The following PALS1 variants were observed in gnomAD, a reference collection of about 807,000 sequenced individuals.
PALS1 encodes protein associated with LIN7 1, MAGUK p55 family member.
A neutral mutation model predicts 78.9 loss-of-function variants in PALS1; 31 were observed. The observed-to-expected ratio is 0.39, with a 90% CI of 0.30 to 0.53. The LOEUF (loss-of-function observed/expected upper bound fraction) is 0.53. Ranked by LOEUF, PALS1 falls within the 20% of genes least tolerant of loss-of-function variation. PALS1 has a pLI of 0.67. For synonymous variants in PALS1, 276 were observed against 270.9 expected, an observed-to-expected ratio of 1.02 and a Z score of -0.18; for missense variants, 704 against 826.5, an observed-to-expected ratio of 0.85 and a Z score of 1.82.
chr14:67,270,485 C>T (rs2084391476), intron 2 of PALS1: 2 of 151,678 alleles, frequency 1.3e-5, no homozygotes, highest in South Asian at 4.1e-4. Context: ...AGAATTAGGG[C>T]CAGTAACTGC....
chr14:67,287,230 CAAAA>C (rs1030535979), intron 3 of PALS1, among the ~76,000 whole-genome samples: 2 of 147,300 alleles, frequency 1.4e-5, no homozygotes, highest in Non-Finnish European at 3.0e-5. Context: ...AAAACAAAAA[CAAAA>C]AAAAAGACAC....
chr14:67,291,747 T>C (rs2084777031), intron 3 of PALS1, among the ~76,000 whole-genome samples: 1 of 152,184 alleles, frequency 6.6e-6, no homozygotes, highest in African/African-American at 2.4e-5. Flanking sequence ...ACAAAAGAAG[T>C]GCCTGGTAAT....
At chr14:67,279,629 T>C (rs2084573635) in intron 3 of PALS1, 92 bp downstream of exon 3, 2 of 1,249,260 alleles carry the variant, frequency 1.6e-6, no homozygotes, top group Non-Finnish European at 2.2e-6. Context: ...TTTAAGAGAA[T>C]GTAAGTAATG....
chr14:67,283,780 A>T (rs562321132), intron 3 of PALS1, among the ~76,000 whole-genome samples: 164 of 152,362 alleles, frequency 1.1e-3, no homozygotes, highest in Non-Finnish European at 1.7e-3. Flanking sequence ...TTAAATACAC[A>T]TAATTCTATA....
In PALS1 at chr14:67,252,637, T is replaced by C. The variant is rs1004102741; in HGVS notation, c.-237+11104T>C. Among the ~76,000 whole-genome samples, 6 of 152,098 alleles carry C rather than the reference T, an allele frequency of 3.9e-5. 1 individual carries two copies. The highest frequency in any genetic ancestry group is 3.3e-4 in the Admixed American group (5 of 15,268). On this transcript the variant is annotated intron_variant, in intron 1 of 14. Coordinates refer to ENST00000261681, the MANE Select transcript of PALS1 (RefSeq NM_022474.4). ...CCAGGTAGATAGTGTCAGAATGAAA[T>C]TGAATTGTAGGACACCCAGTCGGTG... is the stretch of plus-strand genomic sequence containing the variant.
intron 13 of PALS1, 85 bp from the exon 14 acceptor site, chr14:67,323,615 AAT>A (rs150511527): frequency 0.051 from 12,750 of 251,286 alleles, 1 homozygote; most frequent in Non-Finnish European, 0.064. Context: ...CCCTTAATCT[AAT>A]ATATATATAT....
intron 1 of PALS1, among the ~76,000 whole-genome samples, chr14:67,245,094 C>G (rs1472839390): frequency 6.6e-6 from 1 of 152,190 alleles, no homozygotes; most frequent in African/African-American, 2.4e-5. Flanking sequence ...AAGAAAGCAG[C>G]CCTGCCAGTA....
chr14:67,253,714 T>C lies in PALS1; in HGVS notation c.-237+12181T>C, dbSNP rs1039049467. 2.0e-5 allele frequency among the ~76,000 whole-genome samples: 3 copies of C among 151,920 alleles called. No individual in the cohort carries two copies. The East Asian group carries it at 5.8e-4, about 29-fold the overall frequency. On this transcript the variant is annotated intron_variant, in intron 1 of 14. Coordinates refer to ENST00000261681, the MANE Select transcript of PALS1 (RefSeq NM_022474.4). Reference sequence around the variant, plus strand: ...ACAAAAAAATTAGCTGGGTTTGCATTCCTGTAGTCCCAGCTACTTGGGAGG... The same window carrying C: ...ACAAAAAAATTAGCTGGGTTTGCATCCCTGTAGTCCCAGCTACTTGGGAGG...
At chr14:67,329,654 G>A (rs1051781770) in intron 14 of PALS1, among the ~76,000 whole-genome samples, 4 of 151,856 alleles carry the variant, frequency 2.6e-5, no homozygotes, top group Admixed American at 6.6e-5. Context: ...TACGGCGGAC[G>A]CATCACTTGA....
In PALS1 at chr14:67,268,670, C is replaced by T. The variant is rs562267874; in HGVS notation, c.-236-1031C>T. The stretch of plus-strand genomic sequence containing the variant: ...AGGAGCGTCTTTTAGCATGCTAACG[C>T]ATTATAATTAGCATATAGTGAGCAG... On this transcript the variant is annotated intron_variant, in intron 1 of 14. Coordinates refer to ENST00000261681, the MANE Select transcript of PALS1 (RefSeq NM_022474.4). 2.6e-5 allele frequency among the ~76,000 whole-genome samples: 4 copies of T among 152,306 alleles called. No individual in the cohort carries two copies. The East Asian group carries it at 7.7e-4, about 29-fold the overall frequency.
intron 14 of PALS1, among the ~76,000 whole-genome samples, chr14:67,332,045 C>G (rs1376075773): frequency 6.6e-6 from 1 of 152,126 alleles, no homozygotes; most frequent in Non-Finnish European, 1.5e-5. Flanking sequence ...TTGTTTTGTA[C>G]TATGGGTCCA....
intron 8 of PALS1, among the ~76,000 whole-genome samples, chr14:67,310,867 G>A (rs181757527): frequency 3.3e-5 from 5 of 152,012 alleles, no homozygotes; most frequent in African/African-American, 9.7e-5. Flanking sequence ...TTGTCACTTA[G>A]CATTTTTTCC....
chr14:67,277,083 A>G (rs1406524176), intron 2 of PALS1, among the ~76,000 whole-genome samples: 2 of 152,212 alleles, frequency 1.3e-5, no homozygotes, highest in Admixed American at 1.3e-4. Flanking sequence ...TAACTCCTAC[A>G]TAATTTTTCT....
Position 67,279,034 on chromosome 14 carries a change from C to T in PALS1, c.-137C>T. 1 of 775,254 alleles carries T rather than the reference C, an allele frequency of 1.3e-6. No individual in the cohort carries two copies. Among genetic ancestry groups the T allele is most frequent in the Non-Finnish European group, 1.9e-6 (1 of 540,096 alleles). 48.0% of individuals were successfully genotyped at this position (775,254 alleles called of 1,614,324 possible). A position where few individuals can be genotyped will look rare whatever the true frequency, so the allele number is the denominator to read the frequency against. On this transcript the variant is annotated 5_prime_UTR_variant, in exon 3 of 15. Coordinates refer to ENST00000261681, the MANE Select transcript of PALS1 (RefSeq NM_022474.4). ...TCCCCTTAGATTTCCTTCATGGATA[C>T]TTTTTCATAGCATTATTATGTGATG...
rs1260246671 is a variant in PALS1, at chr14:67,292,435, G to T, written c.368-76G>T. On this transcript the variant is annotated intron_variant, in intron 3 of 14. Coordinates refer to ENST00000261681, the MANE Select transcript of PALS1 (RefSeq NM_022474.4). ...AAACTTAAATTGTTACTGGTTCAAA[G>T]AAATGTTCTCTGAAAATGCATGTTG... 3.9e-6 allele frequency: 4 copies of T among 1,013,540 alleles called. No individual in the cohort carries two copies. In the South Asian group the frequency reaches 4.6e-5, roughly 12 times the overall value. 62.8% of individuals were successfully genotyped at this position (1,013,540 alleles called of 1,614,324 possible).
At chr14:67,292,406 C>A in intron 3 of PALS1, 105 bp from the exon 4 acceptor site, 1 of 749,466 alleles carries the variant, frequency 1.3e-6, no homozygotes, top group Non-Finnish European at 2.2e-6. Flanking sequence ...TGGTATTTTT[C>A]TGAAAACTTA....
chr14:67,330,151 A>T (rs370297993), intron 14 of PALS1, among the ~76,000 whole-genome samples: 85 of 101,966 alleles, frequency 8.3e-4, no homozygotes, highest in African/African-American at 4.5e-3. Context: ...TAATAATAAT[A>T]ATAATTATTA....
At chr14:67,274,535 T>C (rs1211772651) in intron 2 of PALS1, among the ~76,000 whole-genome samples, 5 of 152,198 alleles carry the variant, frequency 3.3e-5, no homozygotes, top group Non-Finnish European at 7.3e-5. Flanking sequence ...CCTTGTAGTA[T>C]AGTTTGAAGT....
chr14:67,275,995 T>A (rs191950179), intron 2 of PALS1, among the ~76,000 whole-genome samples: 11 of 152,276 alleles, frequency 7.2e-5, no homozygotes, highest in Non-Finnish European at 1.2e-4. Context: ...ATTGCATGTA[T>A]TTGATTCTTC....
Sources: gnomAD v4.1 joint callset for allele counts (sites outside exome capture counted in the v4.1 genomes callset) on GRCh38, gnomAD v4.1.1 for gene constraint, MANE v1.5 for transcripts, NCBI Gene and HGNC (gene_info 2026-07-23, HGNC 2026-07-21) for gene names.